DIS3: variants seen among roughly 807,000 people sequenced by gnomAD.
DIS3 encodes the protein DIS3 exosome endoribonuclease and 3'-5' exoribonuclease, also known as exosome complex exonuclease RRP44.
A neutral mutation model predicts 113.0 loss-of-function variants in DIS3; 103 were observed. That is an observed-to-expected ratio of 0.91 (90% confidence interval 0.78 to 1.07). The LOEUF is 1.07. DIS3 is among the 50% of genes least tolerant of loss of function. DIS3 has a pLI of 0.00. For missense variants in DIS3, 1,121 were observed against 1,167.1 expected (o/e 0.96, Z 0.58); for synonymous variants, 402 against 394.3 (o/e 1.02, Z -0.23).
At chr13:72,766,089 TCAAG>T (rs1566242335) in intron 14 of DIS3, 31 bp from the exon 15 acceptor site, 1 of 1,531,842 alleles carries the variant, frequency 6.5e-7, no homozygotes, top group Non-Finnish European at 8.8e-7. Flanking sequence ...AAAATTATAG[TCAAG>T]CAAGCCAATA....
chr13:72,758,163 C>G lies in DIS3; in HGVS notation c.*1632G>C, dbSNP rs1593831233. On this transcript the variant is annotated 3_prime_UTR_variant, in exon 21 of 21. Transcript: ENST00000377767. Reference sequence around the variant, plus strand: ...TTAGATATGTTTAGATACACAAATACTTAGCACTGTGTTACAACCGCCTAC... The same window carrying G: ...TTAGATATGTTTAGATACACAAATAGTTAGCACTGTGTTACAACCGCCTAC... 1.7e-5 allele frequency: 3 copies of G among 180,360 alleles called. No individual in the cohort carries two copies. In the East Asian group the frequency reaches 2.7e-4, roughly 17 times the overall value. 11.2% of individuals were successfully genotyped at this position (180,360 alleles called of 1,614,324 possible).
At position 72,753,522 on chromosome 13, in the gene DIS3, G is replaced by GACTACCTTTTATATTTGTGCATT; in HGVS notation, c.*6250_*6272dup. On this transcript the variant is annotated 3_prime_UTR_variant, in exon 21 of 21. Transcript: ENST00000377767. ...GACTACAATAATCAGTACTATGCAG[G>GACTACCTTTTATATTTGTGCATT]ACTACCTTTTATATTTGTGCATTAC... 1.6e-6 allele frequency: 1 copy of GACTACCTTTTATATTTGTGCATT among 639,538 alleles called. No individual in the cohort carries two copies. The highest frequency in any genetic ancestry group is 2.2e-5 in the South Asian group (1 of 45,388). The allele number at this position is 639,538 out of a possible 1,614,324, so 39.6% of individuals were successfully genotyped here.
Position 72,777,416 on chromosome 13 carries a change from A to G in DIS3, c.654+4T>C. 1 of 1,613,908 alleles carries G rather than the reference A, an allele frequency of 6.2e-7. No homozygotes were observed. ...TACTTTTCAAAAACAAAACAAAAAC[A>G]TACCCCTTCTTCAGACAAACAAGCA... On this transcript the variant is annotated splice_donor_region_variant and intron_variant, in intron 4 of 20. Transcript: ENST00000377767.
In DIS3 at chr13:72,771,069, A is replaced by C; in HGVS notation, c.1670+12T>G. 1.9e-6 allele frequency: 3 copies of C among 1,612,862 alleles called. No homozygotes were observed. The highest frequency in any genetic ancestry group is 2.5e-6 in the Non-Finnish European group (3 of 1,179,270). On this transcript the variant is annotated intron_variant, in intron 12 of 20. Transcript: ENST00000377767. ...ACAATGTCTTCAAGGAAAAAAAACC[A>C]TGCAGAAATACCTGTCCACGTCACA...
In DIS3 at chr13:72,756,283, C is replaced by T. The variant is rs1175721689; in HGVS notation, c.*3512G>A. ...AATGTGCCGCGTTATGTACCTGGCT[C>T]ATCTTCAACACACTAACCATGAACA... On this transcript the variant is annotated 3_prime_UTR_variant, in exon 21 of 21. Transcript: ENST00000377767. The T allele has an allele frequency of 5.2e-6, 1 of 192,540 alleles. No individual in the cohort carries two copies. The highest frequency in any genetic ancestry group is 2.3e-5 in the African/African-American group (1 of 42,908). 11.9% of individuals were successfully genotyped at this position (192,540 alleles called of 1,614,324 possible).
intron 13 of DIS3, 118 bp downstream of exon 13, chr13:72,770,786 A>C (rs1423259209): frequency 2.2e-6 from 1 of 457,192 alleles, no homozygotes; most frequent in Non-Finnish European, 3.7e-6. Flanking sequence ...CAAATATATA[A>C]ATATTTTTAT....
intron 14 of DIS3, among the ~76,000 whole-genome samples, chr13:72,767,840 G>T (rs2033790069): frequency 2.0e-5 from 3 of 152,158 alleles, no homozygotes; most frequent in Admixed American, 2.0e-4. Flanking sequence ...CTATCCTAGA[G>T]GGGCTTGGGA....
chr13:72,762,380 A>G (rs538764695), intron 16 of DIS3, among the ~76,000 whole-genome samples: 2 of 152,336 alleles, frequency 1.3e-5, no homozygotes, highest in South Asian at 4.1e-4. Flanking sequence ...TCAAATATAC[A>G]TCTCTTCTCT....
In DIS3 at chr13:72,770,859, T is replaced by C. The variant is rs765313060; in HGVS notation, c.1755+45A>G. 6 of 1,412,264 alleles carry C rather than the reference T, an allele frequency of 4.2e-6. No homozygotes were observed. In the African/African-American group the frequency reaches 7.3e-5, roughly 17 times the overall value. The allele number at this position is 1,412,264 out of a possible 1,614,324, so 87.5% of individuals were successfully genotyped here. ...ATTTATTTAGCTTTTTTCAAAAAAG[T>C]ACCAAAAAGTTTAAAAATTAGAGAT... On this transcript the variant is annotated intron_variant, in intron 13 of 20. Coordinates refer to ENST00000377767, the MANE Select transcript of DIS3 (RefSeq NM_014953.5).
chr13:72,764,053 G>A (rs1164318540), intron 15 of DIS3, among the ~76,000 whole-genome samples: 1 of 152,074 alleles, frequency 6.6e-6, no homozygotes, highest in African/African-American at 2.4e-5. Flanking sequence ...TTGAGAGGCT[G>A]AGGCATGAGA....
At chr13:72,780,808 C>A (rs201756345) in intron 2 of DIS3, 38 bp downstream of exon 2, 1 of 1,557,414 alleles carries the variant, frequency 6.4e-7, no homozygotes, top group African/African-American at 1.4e-5. Context: ...TTTGCTAATC[C>A]TGTGGTTTTC....
In DIS3 at chr13:72,755,121, G is replaced by GA. The variant is rs753838350; in HGVS notation, c.*4673dup. The stretch of plus-strand genomic sequence containing the variant: ...ATCCTCCAGTGGTCCTACTTAAACT[G>GA]AAAACAAGGTATTGTCTTCTTTTTC... On this transcript the variant is annotated 3_prime_UTR_variant, in exon 21 of 21. Transcript: ENST00000377767. The GA allele has an allele frequency of 1.2e-6, 2 of 1,604,420 alleles. No homozygotes were observed. Among genetic ancestry groups the GA allele is most frequent in the Non-Finnish European group, 1.7e-6 (2 of 1,172,020 alleles).
chr13:72,753,779 A>G lies in DIS3; in HGVS notation c.*6016T>C, dbSNP rs2033349579. On this transcript the variant is annotated 3_prime_UTR_variant, in exon 21 of 21. Coordinates refer to ENST00000377767, the MANE Select transcript of DIS3 (RefSeq NM_014953.5). Reference sequence around the variant, plus strand: ...GTTACTGCAAAGAAAGTGATGCACAAACATGTGAAGTTGAGAGTAAATCTC... The same window carrying G: ...GTTACTGCAAAGAAAGTGATGCACAGACATGTGAAGTTGAGAGTAAATCTC... 1 of 1,613,570 alleles carries G rather than the reference A, an allele frequency of 6.2e-7. No homozygotes were observed. The highest frequency in any genetic ancestry group is 1.3e-5 in the African/African-American group (1 of 75,030).
At chr13:72,776,710 A>G (rs1052083963) in intron 4 of DIS3, among the ~76,000 whole-genome samples, 3 of 152,196 alleles carry the variant, frequency 2.0e-5, no homozygotes, top group African/African-American at 4.8e-5. Context: ...TAAACATTAT[A>G]TATTTATATA....
Position 72,773,931 on chromosome 13 carries a change from A to G in DIS3, c.1101+15T>C, listed in dbSNP as rs1381499530. 6.3e-7 allele frequency: 1 copy of G among 1,594,194 alleles called. No individual in the cohort carries two copies. ...TTATCATTTTTTTATTACATAGTAA[A>G]TGCTCTTTACTCACCTCCTTAATGT... On this transcript the variant is annotated intron_variant, in intron 7 of 20. Coordinates refer to ENST00000377767, the MANE Select transcript of DIS3 (RefSeq NM_014953.5).
intron 14 of DIS3, among the ~76,000 whole-genome samples, chr13:72,768,532 C>A (rs1444745218): frequency 1.3e-5 from 2 of 152,108 alleles, no homozygotes; most frequent in African/African-American, 4.8e-5. Context: ...CACCTGTAAT[C>A]CCAGCTACTT....
chr13:72,754,968 C>G lies in DIS3; in HGVS notation c.*4827G>C. On this transcript the variant is annotated 3_prime_UTR_variant, in exon 21 of 21. Coordinates refer to ENST00000377767, the MANE Select transcript of DIS3 (RefSeq NM_014953.5). ...GGCTCGTGCGATCCTCCCACCTTGG[C>G]CTCTCAAAGTGTTGGGATGCTTTTT... The G allele has an allele frequency of 3.7e-6, 2 of 538,200 alleles. No homozygotes were observed. Among genetic ancestry groups the G allele is most frequent in the South Asian group, 4.8e-5 (2 of 41,304 alleles). The allele number at this position is 538,200 out of a possible 1,614,324, so 33.3% of individuals were successfully genotyped here.
chr13:72,760,024 C>T (rs1236250013), intron 20 of DIS3, 146 bp from the exon 21 acceptor site: 2 of 646,472 alleles, frequency 3.1e-6, no homozygotes, highest in African/African-American at 3.7e-5. Flanking sequence ...AGGTTTTATA[C>T]ACAGAAGGTA....
rs188262441 is a variant in DIS3 at position 72,781,334 on chromosome 13, C to T, written c.228+271G>A. ...GCTGGAGGCCACAGAAGCCCAGGTC[C>T]CCGGCCTCCAGGCACTTACAATCTA... On this transcript the variant is annotated intron_variant, in intron 1 of 20. Coordinates refer to ENST00000377767, the MANE Select transcript of DIS3 (RefSeq NM_014953.5). 7.2e-5 allele frequency: 112 copies of T among 1,551,220 alleles called. No homozygotes were observed. The Admixed American group carries it at 2.1e-3, about 29-fold the overall frequency.
Sources: allele counts gnomAD v4.1 joint callset (sites outside exome capture counted in the v4.1 genomes callset), GRCh38; gene constraint gnomAD v4.1.1; transcripts MANE v1.5; gene names NCBI Gene and HGNC (gene_info 2026-07-23, HGNC 2026-07-21).